CNTN5: variants seen among roughly 807,000 people sequenced by gnomAD.
The protein encoded by CNTN5 is contactin 5, also known as contactin-5.
A neutral mutation model predicts 129.1 loss-of-function variants in CNTN5; 77 were observed. The observed-to-expected ratio is 0.60, with a 90% CI of 0.50 to 0.72. The LOEUF (loss-of-function observed/expected upper bound fraction) is 0.72, where lower values mean the gene tolerates loss of function less well. Among genes scored for constraint, CNTN5 ranks in the 30% least tolerant of loss-of-function variants. The probability of loss-of-function intolerance (pLI) is 0.00; values close to 1 mark genes in which losing one functional copy is unlikely to be tolerated. For synonymous variants in CNTN5, 509 were observed against 465.6 expected (o/e 1.09, Z -1.20); for missense variants, 1,478 against 1,328.8 (o/e 1.11, Z -1.75).
chr11:99,919,022 G>A (rs966604360), intron 7 of CNTN5, among the ~76,000 whole-genome samples: 5 of 152,112 alleles, frequency 3.3e-5, no homozygotes, highest in African/African-American at 4.8e-5. Flanking sequence ...GCCAGTGGAG[G>A]CAGGACACAG....
intron 1 of CNTN5, among the ~76,000 whole-genome samples, chr11:99,090,834 A>C (rs1866215934): frequency 6.6e-6 from 1 of 151,650 alleles, no homozygotes; most frequent in African/African-American, 2.4e-5. Context: ...CATCCTGGCT[A>C]ACACGGTGAA....
chr11:99,752,003 C>T (rs1361807224), intron 3 of CNTN5, among the ~76,000 whole-genome samples: 1 of 151,914 alleles, frequency 6.6e-6, no homozygotes, highest in Non-Finnish European at 1.5e-5. Flanking sequence ...AACTATCCCT[C>T]ACCAGACACC....
At chr11:99,162,472 C>T (rs778416202) in intron 1 of CNTN5, among the ~76,000 whole-genome samples, 5 of 152,114 alleles carry the variant, frequency 3.3e-5, no homozygotes, top group Non-Finnish European at 7.4e-5. Context: ...CTTGGTGAAT[C>T]AAAGACTGAA....
chr11:100,249,272 A>T (rs986348620), intron 16 of CNTN5, among the ~76,000 whole-genome samples: 3 of 152,188 alleles, frequency 2.0e-5, no homozygotes, highest in African/African-American at 7.2e-5. Flanking sequence ...TCTCGAAGGA[A>T]GATTTTCTAA....
intron 1 of CNTN5, among the ~76,000 whole-genome samples, chr11:99,234,239 A>T (rs1476841243): frequency 6.6e-6 from 1 of 152,162 alleles, no homozygotes; most frequent in Non-Finnish European, 1.5e-5. Flanking sequence ...TAGTTATCAG[A>T]GGCTGGGAAG....
At chr11:99,559,117 A>G (rs1948761042) in intron 3 of CNTN5, among the ~76,000 whole-genome samples, 1 of 151,970 alleles carries the variant, frequency 6.6e-6, no homozygotes, top group African/African-American at 2.4e-5. Context: ...TTAGTATTTT[A>G]TTATTTCATT....
intron 1 of CNTN5, among the ~76,000 whole-genome samples, chr11:99,103,109 T>C (rs916828745): frequency 6.6e-6 from 1 of 152,126 alleles, no homozygotes; most frequent in African/African-American, 2.4e-5. Flanking sequence ...GCTTATTCAC[T>C]ACCATGAGAC....
rs533960025 is a variant in CNTN5, at chr11:99,880,345, T to C, written c.577+35083T>C. 2.6e-5 allele frequency among the ~76,000 whole-genome samples: 4 copies of C among 152,230 alleles called. 1 individual carries two copies. The East Asian group carries it at 7.7e-4, about 29-fold the overall frequency. On this transcript the variant is annotated intron_variant, in intron 6 of 24. Transcript: ENST00000524871. ...GCAATAATACTCATAGAATAAGAAA[T>C]AGTACTCATAGAATAAGAAAATAGT...
intron 2 of CNTN5, among the ~76,000 whole-genome samples, chr11:99,448,526 TTAAAGA>T (rs1944162499): frequency 6.6e-6 from 1 of 151,956 alleles, no homozygotes; most frequent in South Asian, 2.1e-4. Flanking sequence ...ATTTATCTAG[TTAAAGA>T]TAATTATGTT....
intron 3 of CNTN5, among the ~76,000 whole-genome samples, chr11:99,613,128 G>C (rs1950640938): frequency 6.6e-6 from 1 of 152,162 alleles, no homozygotes; most frequent in Non-Finnish European, 1.5e-5. Context: ...AAAAGCCAAA[G>C]GAGGATGATA....
intron 3 of CNTN5, among the ~76,000 whole-genome samples, chr11:99,797,454 T>A (rs1945981557): frequency 6.6e-6 from 1 of 152,176 alleles, no homozygotes; most frequent in Admixed American, 6.5e-5. Flanking sequence ...CTTTTTTGAA[T>A]CTGTAATAAC....
intron 7 of CNTN5, among the ~76,000 whole-genome samples, chr11:99,952,490 A>C (rs1309998555): frequency 6.6e-6 from 1 of 152,166 alleles, no homozygotes; most frequent in Non-Finnish European, 1.5e-5. Flanking sequence ...GAAAATAAAT[A>C]AATGCAAAAC....
intron 6 of CNTN5, among the ~76,000 whole-genome samples, chr11:99,856,902 C>T (rs1318891950): frequency 6.6e-6 from 1 of 152,062 alleles, no homozygotes; most frequent in Non-Finnish European, 1.5e-5. Flanking sequence ...TTTATGATAT[C>T]ATGTCTTTAT....
At chr11:99,837,736 A>G (rs1947352902) in intron 4 of CNTN5, among the ~76,000 whole-genome samples, 1 of 151,790 alleles carries the variant, frequency 6.6e-6, no homozygotes, top group Non-Finnish European at 1.5e-5. Flanking sequence ...TAATGATGAC[A>G]TTAAAATTAC....
intron 16 of CNTN5, among the ~76,000 whole-genome samples, chr11:100,227,803 G>A (rs910538191): frequency 6.6e-6 from 1 of 152,088 alleles, no homozygotes; most frequent in African/African-American, 2.4e-5. Flanking sequence ...ACTGCTATAG[G>A]GAACCTTTTT....
At chr11:99,470,448 T>A (rs1200321662) in intron 2 of CNTN5, among the ~76,000 whole-genome samples, 1 of 152,186 alleles carries the variant, frequency 6.6e-6, no homozygotes, top group South Asian at 2.1e-4. Flanking sequence ...AGTTCATTTA[T>A]ATATTTACTT....
intron 2 of CNTN5, among the ~76,000 whole-genome samples, chr11:99,456,122 C>T (rs989098081): frequency 2.6e-4 from 40 of 151,962 alleles, no homozygotes; most frequent in Non-Finnish European, 4.7e-4. Flanking sequence ...TCATTCGGAT[C>T]GATTTTTAAA....
intron 3 of CNTN5, among the ~76,000 whole-genome samples, chr11:99,583,467 C>T (rs1361660717): frequency 2.0e-5 from 3 of 152,214 alleles, no homozygotes; most frequent in African/African-American, 7.2e-5. Flanking sequence ...CTGTGGTGGG[C>T]TCCACCCAGT....
intron 13 of CNTN5, among the ~76,000 whole-genome samples, chr11:100,093,783 C>A (rs1944887343): frequency 6.6e-6 from 1 of 152,012 alleles, no homozygotes; most frequent in Non-Finnish European, 1.5e-5. Flanking sequence ...AATACAGACA[C>A]CTAGGCCCCT....
Sources: gnomAD v4.1 joint callset for allele counts (sites outside exome capture counted in the v4.1 genomes callset) on GRCh38, gnomAD v4.1.1 for gene constraint, MANE v1.5 for transcripts, NCBI Gene and HGNC (gene_info 2026-07-23, HGNC 2026-07-21) for gene names.